The following DLG2 variants were observed in gnomAD, a reference collection of about 807,000 sequenced individuals.
The protein encoded by DLG2 is disks large homolog 2.
DLG2 carries 45 observed loss-of-function variants against 132.5 expected under a neutral mutation model. The ratio of observed to expected loss-of-function variants is 0.34; its 90% CI spans 0.27 to 0.44. DLG2 has a LOEUF of 0.44. Ranked by LOEUF, DLG2 falls within the 20% of genes least tolerant of loss-of-function variation. The pLI is 1.00. For synonymous variants in DLG2, 424 were observed against 419.6 expected (o/e 1.01, Z -0.13); for missense variants, 1,045 against 1,196.9 (o/e 0.87, Z 1.87).
At chr11:84,626,349 A>G (rs1172434287) in intron 6 of DLG2, among the ~76,000 whole-genome samples, 1 of 152,144 alleles carries the variant, frequency 6.6e-6, no homozygotes, top group Non-Finnish European at 1.5e-5. Context: ...TAACTCTTGA[A>G]AGCTGGGGTG....
At chr11:84,738,852 C>A (rs982666983) in intron 6 of DLG2, among the ~76,000 whole-genome samples, 8 of 151,976 alleles carry the variant, frequency 5.3e-5, no homozygotes, top group Non-Finnish European at 1.2e-4. Context: ...TGGAAGCAAC[C>A]CACAGATACA....
chr11:83,791,375 CT>C, intron 17 of DLG2: 18 of 674,396 alleles, frequency 2.7e-5, no homozygotes, highest in East Asian at 5.6e-5. Flanking sequence ...TTTGATCTGT[CT>C]TTTTTTTCTT....
intron 2 of DLG2, among the ~76,000 whole-genome samples, chr11:85,616,704 T>A (rs1288678566): frequency 2.0e-5 from 3 of 151,858 alleles, no homozygotes; most frequent in African/African-American, 4.8e-5. Flanking sequence ...TAGAAAAAAA[T>A]TTTCCCAGCT....
At chr11:83,792,449 G>C (rs867257966) in intron 17 of DLG2, among the ~76,000 whole-genome samples, 8 of 152,026 alleles carry the variant, frequency 5.3e-5, no homozygotes, top group Non-Finnish European at 1.2e-4. Flanking sequence ...ACAATGAAAA[G>C]ACATACAATT....
intron 6 of DLG2, among the ~76,000 whole-genome samples, chr11:84,821,020 T>C (rs1004653594): frequency 2.0e-5 from 3 of 151,794 alleles, no homozygotes; most frequent in African/African-American, 4.8e-5. Flanking sequence ...CAGTAGATTA[T>C]AATAGAATGA....
intron 21 of DLG2, among the ~76,000 whole-genome samples, chr11:83,519,120 T>G (rs1460334742): frequency 6.6e-6 from 1 of 152,160 alleles, no homozygotes; most frequent in Non-Finnish European, 1.5e-5. Context: ...GGTGTCAGTC[T>G]CAGTACTAGG....
chr11:83,746,953 T>G (rs1398527639), intron 18 of DLG2, among the ~76,000 whole-genome samples: 1 of 152,226 alleles, frequency 6.6e-6, no homozygotes, highest in African/African-American at 2.4e-5. Context: ...ACCATAAGAT[T>G]TCTTATCTCT....
chr11:85,285,624 T>C (rs2078505838), intron 3 of DLG2, among the ~76,000 whole-genome samples: 1 of 151,968 alleles, frequency 6.6e-6, no homozygotes, highest in African/African-American at 2.4e-5. Context: ...TAAATCCATA[T>C]AATAGAATGT....
chr11:84,549,856 A>G (rs941154803), intron 6 of DLG2, among the ~76,000 whole-genome samples: 3 of 151,770 alleles, frequency 2.0e-5, no homozygotes, highest in African/African-American at 7.3e-5. Context: ...TGGGCTCACG[A>G]GATTCTCCCA....
chr11:84,999,616 C>T (rs1197668428), intron 6 of DLG2, among the ~76,000 whole-genome samples: 1 of 152,004 alleles, frequency 6.6e-6, no homozygotes, highest in African/African-American at 2.4e-5. Flanking sequence ...GTTGTGGTTT[C>T]AGTTGTTGTT....
At chr11:84,350,866 C>T (rs539337705) in intron 7 of DLG2, among the ~76,000 whole-genome samples, 2 of 152,256 alleles carry the variant, frequency 1.3e-5, no homozygotes, top group Non-Finnish European at 1.5e-5. Flanking sequence ...ACTCTAAAAT[C>T]TGTCTTTGAA....
At chr11:83,461,259 C>T (rs143591087) in intron 27 of DLG2, among the ~76,000 whole-genome samples, 1,560 of 152,086 alleles carry the variant, frequency 0.01, 21 homozygotes, top group African/African-American at 0.036. Flanking sequence ...GATCCACCCA[C>T]CTCAGCCTCC....
intron 14 of DLG2, among the ~76,000 whole-genome samples, chr11:83,945,148 C>T (rs2449587): frequency 0.99 from 150,750 of 152,306 alleles, 74,610 homozygotes; most frequent in East Asian, 1. Flanking sequence ...TGGTGGCGCA[C>T]GCCTATAATC....
chr11:83,917,550 C>A (rs1213762617), intron 15 of DLG2, among the ~76,000 whole-genome samples: 1 of 152,096 alleles, frequency 6.6e-6, no homozygotes, highest in African/African-American at 2.4e-5. Flanking sequence ...ACTCTGAAAT[C>A]AAAAAATCCC....
At chr11:84,665,415 C>A (rs1422344969) in intron 6 of DLG2, among the ~76,000 whole-genome samples, 1 of 152,158 alleles carries the variant, frequency 6.6e-6, no homozygotes, top group Non-Finnish European at 1.5e-5. Context: ...AGGCTAAGAT[C>A]TTACGCTATA....
intron 8 of DLG2, among the ~76,000 whole-genome samples, chr11:84,238,781 C>G (rs2097191191): frequency 6.6e-6 from 1 of 152,068 alleles, no homozygotes; most frequent in East Asian, 1.9e-4. Flanking sequence ...ACTCAACTGT[C>G]ACTCTTCCTC....
chr11:84,244,950 A>T (rs2097283202), intron 8 of DLG2, among the ~76,000 whole-genome samples: 1 of 152,218 alleles, frequency 6.6e-6, no homozygotes, highest in African/African-American at 2.4e-5. Context: ...TGTTATTTAC[A>T]CTCAAATAAA....
chr11:85,556,218 T>C (rs1459482709), intron 3 of DLG2, among the ~76,000 whole-genome samples: 3 of 151,882 alleles, frequency 2.0e-5, no homozygotes, highest in Non-Finnish European at 2.9e-5. Context: ...ATTACAGTTA[T>C]ATAAAATCTT....
intron 18 of DLG2, among the ~76,000 whole-genome samples, chr11:83,636,957 G>A (rs543231221): frequency 2.0e-5 from 3 of 152,088 alleles, no homozygotes; most frequent in African/African-American, 7.2e-5. Flanking sequence ...ACTTTTCTTT[G>A]AAAACTAAAC....
Sources: allele counts gnomAD v4.1 joint callset (sites outside exome capture counted in the v4.1 genomes callset), GRCh38; gene constraint gnomAD v4.1.1; transcripts MANE v1.5; gene names NCBI Gene and HGNC (gene_info 2026-07-23, HGNC 2026-07-21).